Variants in GALNT13 observed in about 807,000 individuals in gnomAD.
GALNT13 encodes the protein UDP-GalNAc:polypeptide N-acetylgalactosaminyltransferase 13.
A neutral mutation model predicts 64.2 loss-of-function variants in GALNT13; 28 were observed. The ratio of observed to expected loss-of-function variants is 0.44; its 90% CI spans 0.32 to 0.60. The LOEUF (loss-of-function observed/expected upper bound fraction) is 0.60, where lower values mean the gene tolerates loss of function less well. Ranked by LOEUF, GALNT13 falls within the 20% of genes least tolerant of loss-of-function variation. The pLI is 0.05. For missense variants in GALNT13, 577 were observed against 669.8 expected (o/e 0.86, Z 1.53); for synonymous variants, 214 against 224.6 (o/e 0.95, Z 0.42).
At chr2:153,739,470 A>G in the GALNT13 span, among the ~76,000 whole-genome samples, 1 of 150,184 alleles carries the variant, frequency 6.7e-6, no homozygotes, top group Non-Finnish European at 1.5e-5. Flanking sequence ...GTATTACTAT[A>G]TGCTTTCATC....
the GALNT13 span, among the ~76,000 whole-genome samples, chr2:153,747,387 A>C: frequency 1.0e-5 from 1 of 97,588 alleles, no homozygotes; most frequent in African/African-American, 4.1e-5. Context: ...TCTGGTAATC[A>C]TTTTTCTATT....
the GALNT13 span, among the ~76,000 whole-genome samples, chr2:153,182,971 A>G: frequency 1.3e-5 from 2 of 152,204 alleles, no homozygotes; most frequent in African/African-American, 4.8e-5. Context: ...TTTATGATTT[A>G]TATTCCTTGG....
chr2:153,503,425 G>A, the GALNT13 span, among the ~76,000 whole-genome samples: 16 of 152,100 alleles, frequency 1.1e-4, no homozygotes, highest in Non-Finnish European at 2.1e-4. Context: ...TTTGGTCTAT[G>A]TGCCTATTTT....
the GALNT13 span, among the ~76,000 whole-genome samples, chr2:153,842,650 T>C: frequency 2.0e-5 from 3 of 151,958 alleles, no homozygotes; most frequent in African/African-American, 7.3e-5. Context: ...CTTCATTTTT[T>C]AAAAAACACA....
chr2:154,221,026 A>G (rs1270876802), intron 4 of GALNT13, among the ~76,000 whole-genome samples: 1 of 152,090 alleles, frequency 6.6e-6, no homozygotes, highest in Non-Finnish European at 1.5e-5. Context: ...GCTTAGAAAG[A>G]TAAAGGAATC....
At chr2:154,066,833 A>T (rs1221671924) in intron 3 of GALNT13, among the ~76,000 whole-genome samples, 1 of 151,974 alleles carries the variant, frequency 6.6e-6, no homozygotes, top group African/African-American at 2.4e-5. Context: ...AGAAAAACAC[A>T]GACTATTGTA....
chr2:153,711,564 C>T, the GALNT13 span, among the ~76,000 whole-genome samples: 2 of 152,114 alleles, frequency 1.3e-5, no homozygotes, highest in Non-Finnish European at 2.9e-5. Flanking sequence ...TGGATTTCCA[C>T]CCAGGTTTGA....
chr2:154,105,135 C>T (rs987682914), intron 3 of GALNT13, among the ~76,000 whole-genome samples: 3 of 152,032 alleles, frequency 2.0e-5, no homozygotes, highest in Non-Finnish European at 4.4e-5. Flanking sequence ...TCCTTTTCTG[C>T]ACCACAGATG....
chr2:153,927,864 C>A (rs12053327), intron 2 of GALNT13, among the ~76,000 whole-genome samples: 10,730 of 152,004 alleles, frequency 0.071, 441 homozygotes, highest in Middle Eastern at 0.12. Flanking sequence ...AAGACTATTT[C>A]ACCTATTAAT....
intron 1 of GALNT13, among the ~76,000 whole-genome samples, chr2:153,892,446 C>T (rs1195330090): frequency 1.3e-5 from 2 of 151,930 alleles, no homozygotes; most frequent in Non-Finnish European, 2.9e-5. Flanking sequence ...AAATAAAACC[C>T]ATTTCTTCCA....
chr2:154,031,188 T>A (rs578111396), intron 3 of GALNT13, among the ~76,000 whole-genome samples: 6 of 152,068 alleles, frequency 3.9e-5, no homozygotes, highest in Non-Finnish European at 7.4e-5. Context: ...TAATACATAT[T>A]AAACAATATA....
chr2:153,910,603 T>A (rs1688872730), intron 2 of GALNT13, among the ~76,000 whole-genome samples: 1 of 152,178 alleles, frequency 6.6e-6, no homozygotes, highest in Non-Finnish European at 1.5e-5. Context: ...AACACCGCCT[T>A]ATCTGTGTCC....
chr2:153,611,089 A>C, the GALNT13 span, among the ~76,000 whole-genome samples: 1 of 152,218 alleles, frequency 6.6e-6, no homozygotes, highest in East Asian at 1.9e-4. Context: ...TATTTGACTT[A>C]AATGGCTTTG....
chr2:153,234,529 A>G, the GALNT13 span, among the ~76,000 whole-genome samples: 1 of 152,146 alleles, frequency 6.6e-6, no homozygotes, highest in Non-Finnish European at 1.5e-5. Context: ...GATAGACACA[A>G]TGATGTTATT....
At position 154,298,609 on chromosome 2, in the gene GALNT13, T is replaced by A. The variant is rs866564727; in HGVS notation, c.976-2800T>A. Among the ~76,000 whole-genome samples, 34 of 4,614 alleles carry A rather than the reference T, an allele frequency of 7.4e-3. 4 individuals carry two copies. The highest frequency in any genetic ancestry group is 0.013 in the South Asian group (2 of 160). The allele number at this position is 4,614 out of a possible 152,430, so 3.0% of individuals were successfully genotyped here. On this transcript the variant is annotated intron_variant, in intron 8 of 12. Coordinates refer to ENST00000392825, the MANE Select transcript of GALNT13 (RefSeq NM_052917.4). ...TAATTTATATATACAATGTATATATTAATTTATATATACATTGTATATATA... is the reference window on the plus strand; with the variant it reads ...TAATTTATATATACAATGTATATATAAATTTATATATACATTGTATATATA...
At chr2:153,482,759 C>T in the GALNT13 span, among the ~76,000 whole-genome samples, 2 of 149,022 alleles carry the variant, frequency 1.3e-5, no homozygotes, top group African/African-American at 2.5e-5. Context: ...GCGTAGCCAA[C>T]GCACCCAGCC....
chr2:153,737,444 C>A, the GALNT13 span, among the ~76,000 whole-genome samples: 1 of 151,366 alleles, frequency 6.6e-6, no homozygotes, highest in Admixed American at 6.6e-5. Flanking sequence ...TTGGACATTC[C>A]TTATGTTATT....
intron 9 of GALNT13, among the ~76,000 whole-genome samples, chr2:154,372,990 C>G (rs1456366783): frequency 1.3e-5 from 2 of 151,976 alleles, no homozygotes; most frequent in African/African-American, 2.4e-5. Flanking sequence ...AGAACACTTT[C>G]CTTTTTAAAG....
intron 11 of GALNT13, among the ~76,000 whole-genome samples, chr2:154,429,457 G>C (rs1700615081): frequency 6.6e-6 from 1 of 152,156 alleles, no homozygotes; most frequent in African/African-American, 2.4e-5. Context: ...TTCTTCCACA[G>C]CAGGGCCCTA....
Sources: allele counts gnomAD v4.1 joint callset (sites outside exome capture counted in the v4.1 genomes callset), GRCh38; gene constraint gnomAD v4.1.1; transcripts MANE v1.5; gene names NCBI Gene and HGNC (gene_info 2026-07-23, HGNC 2026-07-21).